Variants in RBFOX1 observed in about 807,000 individuals in gnomAD.
RBFOX1 encodes RNA binding fox-1 homolog 1, also known as RNA binding protein fox-1 homolog 1.
RBFOX1 carries 8 observed loss-of-function variants against 57.7 expected under a neutral mutation model. The ratio of observed to expected loss-of-function variants is 0.14; its 90% CI spans 0.08 to 0.25. RBFOX1 has a LOEUF of 0.25. Ranked by LOEUF, RBFOX1 falls within the 10% of genes least tolerant of loss-of-function variation. The pLI, the probability that RBFOX1 is intolerant of heterozygous loss-of-function variation, is 1.00. For synonymous variants in RBFOX1, 326 were observed against 222.4 expected (o/e 1.47, Z -4.15); for missense variants, 611 against 548.5 (o/e 1.11, Z -1.14).
At chr16:6,867,594 C>A (rs1411633340) in intron 3 of RBFOX1, among the ~76,000 whole-genome samples, 1 of 152,122 alleles carries the variant, frequency 6.6e-6, no homozygotes, top group East Asian at 1.9e-4. Flanking sequence ...TGGTACCGGC[C>A]TGTAATCCCA....
At chr16:7,394,521 T>C (rs1170196073) in intron 4 of RBFOX1, among the ~76,000 whole-genome samples, 1 of 152,120 alleles carries the variant, frequency 6.6e-6, no homozygotes, top group African/African-American at 2.4e-5. Context: ...GCATAGGCAG[T>C]GAAACCAACC....
chr16:7,232,553 A>G (rs991267435), intron 4 of RBFOX1, among the ~76,000 whole-genome samples: 1 of 152,146 alleles, frequency 6.6e-6, no homozygotes, highest in East Asian at 1.9e-4. Context: ...AAAGAATGAG[A>G]TAACAGGCCA....
At chr16:7,634,949 T>A (rs983435921) in intron 11 of RBFOX1, among the ~76,000 whole-genome samples, 3 of 152,194 alleles carry the variant, frequency 2.0e-5, no homozygotes, top group African/African-American at 7.2e-5. Flanking sequence ...AGGCTTTCAA[T>A]AGAAACAATT....
At chr16:7,073,867 C>CAAAT (rs372821292) in intron 4 of RBFOX1, among the ~76,000 whole-genome samples, 8 of 150,996 alleles carry the variant, frequency 5.3e-5, no homozygotes, top group African/African-American at 1.9e-4. Context: ...ATAAAAATAA[C>CAAAT]AAATAAATAA....
At chr16:7,292,495 T>C (rs2095810592) in intron 4 of RBFOX1, among the ~76,000 whole-genome samples, 1 of 139,798 alleles carries the variant, frequency 7.2e-6, no homozygotes, top group Non-Finnish European at 1.5e-5. Context: ...ATATGTATTA[T>C]GTATTATATA....
intron 3 of RBFOX1, among the ~76,000 whole-genome samples, chr16:5,801,932 C>A (rs781054893): frequency 6.6e-6 from 1 of 152,124 alleles, no homozygotes; most frequent in African/African-American, 2.4e-5. Context: ...GCGAATTCCC[C>A]TCTCCCCCGG....
chr16:5,444,320 C>G (rs141064754), intron 1 of RBFOX1, among the ~76,000 whole-genome samples: 268 of 152,334 alleles, frequency 1.8e-3, no homozygotes, highest in Middle Eastern at 0.017. Flanking sequence ...TCTGATCACT[C>G]AGAGCTTTAG....
chr16:6,844,150 C>T (rs1438630719), intron 3 of RBFOX1, among the ~76,000 whole-genome samples: 2 of 152,030 alleles, frequency 1.3e-5, no homozygotes, highest in Non-Finnish European at 2.9e-5. Context: ...ATCATTACCC[C>T]TACAGGCCAG....
chr16:6,491,316 C>G (rs576514169), intron 2 of RBFOX1, among the ~76,000 whole-genome samples: 5 of 151,784 alleles, frequency 3.3e-5, no homozygotes, highest in African/African-American at 9.7e-5. Flanking sequence ...GGAATACTTC[C>G]GCATCTTAAG....
At chr16:6,946,465 G>T (rs569288123) in intron 3 of RBFOX1, among the ~76,000 whole-genome samples, 1 of 152,316 alleles carries the variant, frequency 6.6e-6, no homozygotes, top group South Asian at 2.1e-4. Context: ...AACTGGCTTG[G>T]TAATGGGCTT....
At chr16:6,762,007 ACT>A (rs1382291069) in intron 3 of RBFOX1, among the ~76,000 whole-genome samples, 1 of 151,854 alleles carries the variant, frequency 6.6e-6, no homozygotes, top group East Asian at 1.9e-4. Flanking sequence ...AAGCTCGACA[ACT>A]CTACAGGTGC....
intron 1 of RBFOX1, among the ~76,000 whole-genome samples, chr16:6,186,411 G>T (rs1399640121): frequency 6.6e-6 from 1 of 152,154 alleles, no homozygotes; most frequent in Non-Finnish European, 1.5e-5. Context: ...ATGCCGAGGT[G>T]TGAGCACAAG....
intron 1 of RBFOX1, among the ~76,000 whole-genome samples, chr16:5,244,593 G>T (rs1302974892): frequency 2.0e-5 from 3 of 152,240 alleles, no homozygotes; most frequent in Admixed American, 6.5e-5. Flanking sequence ...CTGAGATATA[G>T]ATATTTCCCT....
At chr16:6,831,082 A>C (rs1183207907) in intron 3 of RBFOX1, among the ~76,000 whole-genome samples, 1 of 152,216 alleles carries the variant, frequency 6.6e-6, no homozygotes, top group Non-Finnish European at 1.5e-5. Flanking sequence ...CTCCATCTAA[A>C]GTAAAGCTGG....
At chr16:7,372,362 C>G (rs918743026) in intron 4 of RBFOX1, among the ~76,000 whole-genome samples, 3 of 152,194 alleles carry the variant, frequency 2.0e-5, no homozygotes, top group African/African-American at 7.2e-5. Context: ...ACTGCCTAGT[C>G]TGTGCCAGGC....
At chr16:6,313,651 C>A (rs1201052213) in intron 1 of RBFOX1, among the ~76,000 whole-genome samples, 3 of 152,092 alleles carry the variant, frequency 2.0e-5, no homozygotes, top group African/African-American at 7.2e-5. Context: ...TTCATTCTGC[C>A]TGACTTTGTT....
chr16:7,175,823 A>T (rs1282366877), intron 4 of RBFOX1, among the ~76,000 whole-genome samples: 3 of 152,198 alleles, frequency 2.0e-5, no homozygotes, highest in Non-Finnish European at 4.4e-5. Flanking sequence ...GCTGGGTTGC[A>T]GTAATCTAGG....
intron 4 of RBFOX1, among the ~76,000 whole-genome samples, chr16:7,267,074 G>C (rs1164741821): frequency 2.0e-5 from 3 of 152,190 alleles, no homozygotes; most frequent in African/African-American, 4.8e-5. Flanking sequence ...CGAAGTGGGG[G>C]ACAGTAGCTC....
At chr16:5,636,124 G>C (rs943434834) in intron 3 of RBFOX1, among the ~76,000 whole-genome samples, 5 of 152,142 alleles carry the variant, frequency 3.3e-5, no homozygotes, top group African/African-American at 1.2e-4. Context: ...AAGGCGGGTG[G>C]ATCACCTGAG....
Sources: allele counts gnomAD v4.1 joint callset (sites outside exome capture counted in the v4.1 genomes callset), GRCh38; gene constraint gnomAD v4.1.1; transcripts MANE v1.5; gene names NCBI Gene and HGNC (gene_info 2026-07-23, HGNC 2026-07-21).